The following DAPK3 variants were observed in gnomAD, a reference collection of about 807,000 sequenced individuals.
DAPK3 encodes death-associated protein kinase 3.
In DAPK3, 24 loss-of-function variants were observed where a neutral mutation model predicts 30.6. The observed-to-expected ratio is 0.78, with a 90% CI of 0.57 to 1.10. The LOEUF is 1.10. Ranked by LOEUF, DAPK3 falls within the 50% of genes least tolerant of loss-of-function variation. The pLI is 0.00. For missense variants in DAPK3, 629 were observed against 657.3 expected, an observed-to-expected ratio of 0.96 and a Z score of 0.47; for synonymous variants, 341 against 284.0, an observed-to-expected ratio of 1.20 and a Z score of -2.02.
rs1425811909 is a variant in DAPK3, at chr19:3,965,004, G to C, written c.63-13C>G. On this transcript the variant is annotated splice_polypyrimidine_tract_variant and intron_variant, in intron 2 of 8. Transcript: ENST00000545797. ...CGCAAACTGGCCGCTGGAGGAGGGG[G>C]AGGGAGTGAGTGGGGGTGGAGGAGG... 6.5e-6 allele frequency: 10 copies of C among 1,539,594 alleles called. No individual in the cohort carries two copies. The South Asian group carries it at 9.0e-5, about 14-fold the overall frequency.
At chr19:3,964,531 C>T in intron 3 of DAPK3, 100 bp downstream of exon 3, 1 of 1,390,550 alleles carries the variant, frequency 7.2e-7, no homozygotes, top group Non-Finnish European at 9.7e-7. Flanking sequence ...GCTCCCCACA[C>T]CTCACCCCCA....
intron 2 of DAPK3, among the ~76,000 whole-genome samples, chr19:3,966,558 C>T (rs2039579394): frequency 6.6e-6 from 1 of 152,180 alleles, no homozygotes; most frequent in Non-Finnish European, 1.5e-5. Flanking sequence ...TAAGAACAGA[C>T]CAGGCCAGGA....
chr19:3,964,757 C>A lies in DAPK3; in HGVS notation c.297G>T (p.Gly99=). 1 of 1,612,620 alleles carries A rather than the reference C, an allele frequency of 6.2e-7. No homozygotes were observed. The highest frequency in any genetic ancestry group is 8.5e-7 in the Non-Finnish European group (1 of 1,178,984). Residue 99 remains glycine (G), a synonymous_variant, in exon 3 of 9, where the codon GGG becomes GGT. Transcript: ENST00000545797. ...TCTCCGCCAGGAAGTCAAAGAGCTC[C>A]CCGCCAGAGACCAGCTCCAGGATGA... The part of the protein sequence containing the change: ...VVLILELVSG[G]ELFDFLAEKE...
Position 3,964,499 on chromosome 19 carries a change from G to A in DAPK3, c.424-126C>T, listed in dbSNP as rs570108851. 1,051 of 376,008 alleles carry A rather than the reference G, an allele frequency of 2.8e-3. 15 individuals are homozygous for A. The African/African-American group carries it at 0.035, about 13-fold the overall frequency. 23.3% of individuals were successfully genotyped at this position (376,008 alleles called of 1,614,324 possible). ...CACGCTCCCCCAACCTCACCCCCAC[G>A]CTCCCCAAACCTCACCCCCACGCTC... On this transcript the variant is annotated intron_variant, in intron 3 of 8. Transcript: ENST00000545797.
chr19:3,964,718 C>A lies in DAPK3; in HGVS notation c.336G>T (p.Thr112=), dbSNP rs778180373. The A allele has an allele frequency of 9.3e-6, 15 of 1,612,652 alleles. No homozygotes were observed. Among genetic ancestry groups the A allele is most frequent in the Non-Finnish European group, 1.3e-5 (15 of 1,179,502 alleles). ...TGAGGAACTGGGTGGCCTCGTCCTC[C>A]GTCAGCGACTCCTTCTCCGCCAGGA... The part of the protein sequence containing the change: ...FDFLAEKESL[T]EDEATQFLKQ... Residue 112 remains threonine (T), a synonymous_variant, in exon 3 of 9, where the codon ACG becomes ACT. Coordinates refer to ENST00000545797, the MANE Select transcript of DAPK3 (RefSeq NM_001348.3).
chr19:3,965,016 G>A (rs747005047), intron 2 of DAPK3, 25 bp from the exon 3 acceptor site: 24 of 1,407,846 alleles, frequency 1.7e-5, no homozygotes, highest in Non-Finnish European at 2.3e-5. Flanking sequence ...GGGAGTGAGT[G>A]GGGGTGGAGG....
rs1051330384 is a variant in DAPK3 at position 3,967,680 on chromosome 19, G to A, written c.62+1994C>T. ...TGAAGCAGGAGAATCACTTGAACCC[G>A]GGAGGCGAAGATTGCAGTGAGCCAA... On this transcript the variant is annotated intron_variant, in intron 2 of 8. Coordinates refer to ENST00000545797, the MANE Select transcript of DAPK3 (RefSeq NM_001348.3). Among the ~76,000 whole-genome samples the A allele has an allele frequency of 6.6e-5, 10 of 152,302 alleles. No individual in the cohort carries two copies. The East Asian group carries it at 1.4e-3, about 21-fold the overall frequency.
chr19:3,964,614 G>A lies in DAPK3; in HGVS notation c.423+17C>T. The stretch of plus-strand genomic sequence containing the variant: ...CACACTGGCCAGGCCGGCCCCACAG[G>A]GCCCTACAGGGCTCACCTTCAGGTC... On this transcript the variant is annotated intron_variant, in intron 3 of 8. Transcript: ENST00000545797. 1.3e-6 allele frequency: 2 copies of A among 1,505,882 alleles called. No homozygotes were observed. Among genetic ancestry groups the A allele is most frequent in the East Asian group, 2.7e-5 (1 of 37,170 alleles). 93.3% of individuals were successfully genotyped at this position (1,505,882 alleles called of 1,614,324 possible).
chr19:3,962,179 C>G (rs964303986), intron 6 of DAPK3, among the ~76,000 whole-genome samples: 17 of 152,162 alleles, frequency 1.1e-4, no homozygotes, highest in African/African-American at 4.1e-4. Flanking sequence ...TTGTGATTAG[C>G]GTAGCACCAA....
rs745790356 is a variant in DAPK3 at position 3,959,097 on chromosome 19, G to T, written c.*4C>A. The T allele has an allele frequency of 6.6e-7, 1 of 1,511,636 alleles. No homozygotes were observed. The highest frequency in any genetic ancestry group is 2.0e-5 in the Admixed American group (1 of 49,588). 93.6% of individuals were successfully genotyped at this position (1,511,636 alleles called of 1,614,324 possible). On this transcript the variant is annotated 3_prime_UTR_variant, in exon 9 of 9. Coordinates refer to ENST00000545797, the MANE Select transcript of DAPK3 (RefSeq NM_001348.3). ...GTCCTGGGGCCTGGCCCACCCCACTGCGCCTAGCGCAGCCCGCACTCCACG... is the reference window on the plus strand; with the variant it reads ...GTCCTGGGGCCTGGCCCACCCCACTTCGCCTAGCGCAGCCCGCACTCCACG...
intron 6 of DAPK3, among the ~76,000 whole-genome samples, chr19:3,962,014 A>T (rs2039522175): frequency 6.6e-6 from 1 of 152,150 alleles, no homozygotes; most frequent in African/African-American, 2.4e-5. Flanking sequence ...ACCCGCTGCC[A>T]CACCCAGCTA....
chr19:3,964,572 C>T (rs1177728145), intron 3 of DAPK3, 59 bp downstream of exon 3: 10 of 1,390,200 alleles, frequency 7.2e-6, no homozygotes, highest in South Asian at 2.5e-5. Context: ...GGCTCTTCCC[C>T]GCCCCATCCC....
chr19:3,959,053 C>G lies in DAPK3; in HGVS notation c.*48G>C. On this transcript the variant is annotated 3_prime_UTR_variant, in exon 9 of 9. Transcript: ENST00000545797. ...CAGCGTCCACAGGAAGCGCCCCCAC[C>G]GCAGGCCGAGCTCCGGCTGTCCTGG... 1 of 1,294,444 alleles carries G rather than the reference C, an allele frequency of 7.7e-7. No individual in the cohort carries two copies. The highest frequency in any genetic ancestry group is 1.5e-5 in the South Asian group (1 of 65,288). The allele number at this position is 1,294,444 out of a possible 1,614,324, so 80.2% of individuals were successfully genotyped here. A position where few individuals can be genotyped will look rare whatever the true frequency, so the allele number is the denominator to read the frequency against.
Position 3,958,912 on chromosome 19 carries a change from G to A in DAPK3, c.*189C>T. The A allele has an allele frequency of 1.7e-6, 1 of 583,194 alleles. No individual in the cohort carries two copies. The highest frequency in any genetic ancestry group is 3.0e-6 in the Non-Finnish European group (1 of 329,628). The allele number at this position is 583,194 out of a possible 1,614,324, so 36.1% of individuals were successfully genotyped here. A position where few individuals can be genotyped will look rare whatever the true frequency, so the allele number is the denominator to read the frequency against. ...AGCGTGGAGGCTGTGTAGAGAAGCA[G>A]CCCCGTCCCACACCCACCCCTGCCT... is the stretch of plus-strand genomic sequence containing the variant. On this transcript the variant is annotated 3_prime_UTR_variant, in exon 9 of 9. Coordinates refer to ENST00000545797, the MANE Select transcript of DAPK3 (RefSeq NM_001348.3).
intron 2 of DAPK3, among the ~76,000 whole-genome samples, chr19:3,966,761 T>A (rs2039581369): frequency 6.6e-6 from 1 of 152,188 alleles, no homozygotes; most frequent in Admixed American, 6.5e-5. Flanking sequence ...CCTGTTTTGC[T>A]ATTGCCAACC....
At position 3,963,914 on chromosome 19, in the gene DAPK3, CTG is replaced by C; in HGVS notation, c.557_558del (p.Pro186ArgfsTer6). ...CCCAGCGGCTCATAGTTCACAATCT[CTG>C]GGGCTGCAGAACAGGGAGATGTGGG... ...NIFGTPEFVA[P>X]EIVNYEPLGL... is the part of the protein sequence containing the mutation. On this transcript the variant is annotated frameshift_variant, in exon 5 of 9. Transcript: ENST00000545797. LOFTEE classifies it high-confidence loss of function. 1 of 1,601,408 alleles carries C rather than the reference CTG, an allele frequency of 6.2e-7. No homozygotes were observed. The highest frequency in any genetic ancestry group is 8.5e-7 in the Non-Finnish European group (1 of 1,169,960).
intron 2 of DAPK3, among the ~76,000 whole-genome samples, chr19:3,969,010 T>C (rs1389437773): frequency 1.3e-5 from 2 of 152,188 alleles, no homozygotes; most frequent in Non-Finnish European, 2.9e-5. Flanking sequence ...CCCACAAGCA[T>C]GTTAAACAAT....
chr19:3,967,256 C>T (rs1470728637), intron 2 of DAPK3, among the ~76,000 whole-genome samples: 1 of 151,380 alleles, frequency 6.6e-6, no homozygotes, highest in Admixed American at 6.6e-5. Flanking sequence ...CAAGACTAGC[C>T]TGACCAACAT....
intron 6 of DAPK3, among the ~76,000 whole-genome samples, chr19:3,962,419 A>G (rs1489636804): frequency 6.6e-6 from 1 of 152,172 alleles, no homozygotes; most frequent in Admixed American, 6.5e-5. Flanking sequence ...TGCTTACTGA[A>G]TGAGCTATGC....
Sources: gnomAD v4.1 joint callset for allele counts (sites outside exome capture counted in the v4.1 genomes callset) on GRCh38, gnomAD v4.1.1 for gene constraint, MANE v1.5 for transcripts, NCBI Gene and HGNC (gene_info 2026-07-23, HGNC 2026-07-21) for gene names.